NKAIN2: variants seen among roughly 807,000 people sequenced by gnomAD.
NKAIN2 encodes sodium/potassium transporting ATPase interacting 2.
NKAIN2 carries 14 observed loss-of-function variants against 32.6 expected under a neutral mutation model. The ratio of observed to expected loss-of-function variants is 0.43; its 90% confidence interval spans 0.28 to 0.67. NKAIN2 has a LOEUF of 0.67. Among genes scored for constraint, NKAIN2 ranks in the 30% least tolerant of loss-of-function variants. The pLI, the probability that NKAIN2 is intolerant of heterozygous loss-of-function variation, is 0.17. For synonymous variants in NKAIN2, 80 were observed against 87.2 expected, an observed-to-expected ratio of 0.92 and a Z score of 0.46; for missense variants, 198 against 258.3, an observed-to-expected ratio of 0.77 and a Z score of 1.60.
chr6:124,434,566 TAAGG>T (rs1374824772), intron 3 of NKAIN2, among the ~76,000 whole-genome samples: 5 of 152,180 alleles, frequency 3.3e-5, no homozygotes, highest in Non-Finnish European at 5.9e-5. Flanking sequence ...GGCCATTTAA[TAAGG>T]AAGATATTTT....
chr6:124,746,425 C>A (rs1777454381), intron 4 of NKAIN2, among the ~76,000 whole-genome samples: 1 of 151,722 alleles, frequency 6.6e-6, no homozygotes, highest in Non-Finnish European at 1.5e-5. Context: ...TTACCAGTGA[C>A]CAAACATGTT....
intron 3 of NKAIN2, among the ~76,000 whole-genome samples, chr6:124,622,920 G>C (rs1342500206): frequency 4.7e-5 from 7 of 150,344 alleles, no homozygotes; most frequent in African/African-American, 1.8e-4. Flanking sequence ...TACAGGATAG[G>C]GGGTGTGGTG....
At chr6:124,233,093 G>C (rs761189540) in intron 1 of NKAIN2, among the ~76,000 whole-genome samples, 3 of 151,932 alleles carry the variant, frequency 2.0e-5, no homozygotes, top group Non-Finnish European at 4.4e-5. Context: ...GCTACAGTTG[G>C]ATGACCTATG....
chr6:124,121,154 G>A (rs1470052101), intron 1 of NKAIN2, among the ~76,000 whole-genome samples: 1 of 152,044 alleles, frequency 6.6e-6, no homozygotes, highest in Non-Finnish European at 1.5e-5. Context: ...TTGAACTCAT[G>A]TAATCACTCC....
chr6:123,883,136 T>C (rs1412369941), intron 1 of NKAIN2, among the ~76,000 whole-genome samples: 1 of 152,092 alleles, frequency 6.6e-6, no homozygotes, highest in Admixed American at 6.6e-5. Flanking sequence ...GTTCTCCTAA[T>C]AGTGAGTGAA....
At chr6:124,224,157 CAT>C (rs1470520704) in intron 1 of NKAIN2, among the ~76,000 whole-genome samples, 1 of 152,094 alleles carries the variant, frequency 6.6e-6, no homozygotes, top group African/African-American at 2.4e-5. Context: ...CATTTACATT[CAT>C]ATTAATTTAC....
At chr6:124,192,045 C>T (rs759807764) in intron 1 of NKAIN2, among the ~76,000 whole-genome samples, 1 of 152,000 alleles carries the variant, frequency 6.6e-6, no homozygotes, top group Non-Finnish European at 1.5e-5. Flanking sequence ...TTTTTGAAGA[C>T]TCCACGTTTG....
intron 1 of NKAIN2, among the ~76,000 whole-genome samples, chr6:124,210,334 C>T (rs1341879627): frequency 2.0e-5 from 3 of 151,868 alleles, no homozygotes; most frequent in Non-Finnish European, 4.4e-5. Flanking sequence ...GTTTCGATTA[C>T]TATAACTATG....
intron 1 of NKAIN2, among the ~76,000 whole-genome samples, chr6:123,827,007 T>C (rs886496613): frequency 7.9e-5 from 12 of 152,120 alleles, no homozygotes; most frequent in Non-Finnish European, 1.6e-4. Flanking sequence ...CTGACACTTA[T>C]TTTCTGTTTT....
At chr6:124,574,598 G>A (rs148373284) in intron 3 of NKAIN2, among the ~76,000 whole-genome samples, 55 of 152,170 alleles carry the variant, frequency 3.6e-4, no homozygotes, top group African/African-American at 1.2e-3. Context: ...CAGCCTGGGC[G>A]ACAGAGCAAG....
At position 124,355,773 on chromosome 6, in the gene NKAIN2, G is replaced by T. The variant is rs567626680; in HGVS notation, c.273+426G>T. ...TAATGGGCTTTGGTTGAATGAAATTGTTACTAGAGGTATATAATATGTTAT... is the reference window on the plus strand; with the variant it reads ...TAATGGGCTTTGGTTGAATGAAATTTTTACTAGAGGTATATAATATGTTAT... On this transcript the variant is annotated intron_variant, in intron 3 of 6. Transcript: ENST00000368417. Among the ~76,000 whole-genome samples the T allele has an allele frequency of 5.9e-3, 903 of 152,164 alleles. 11 individuals carry two copies. The highest frequency in any genetic ancestry group is 7.7e-3 in the Non-Finnish European group (527 of 68,008).
At chr6:124,087,752 A>G (rs556338984) in intron 1 of NKAIN2, among the ~76,000 whole-genome samples, 3 of 152,122 alleles carry the variant, frequency 2.0e-5, no homozygotes, top group Admixed American at 2.0e-4. Context: ...AACATGTTGT[A>G]TACTGAATTT....
At chr6:124,606,373 T>C (rs1256269954) in intron 3 of NKAIN2, among the ~76,000 whole-genome samples, 1 of 151,994 alleles carries the variant, frequency 6.6e-6, no homozygotes, top group Non-Finnish European at 1.5e-5. Context: ...AAGTGAATGG[T>C]TGAATAAGTT....
chr6:124,268,030 T>C (rs570108803), intron 1 of NKAIN2, among the ~76,000 whole-genome samples: 91 of 152,340 alleles, frequency 6.0e-4, no homozygotes, highest in African/African-American at 2.0e-3. Context: ...TTCATTTTCA[T>C]TTTTTAAAAC....
intron 1 of NKAIN2, among the ~76,000 whole-genome samples, chr6:124,113,127 C>G (rs779459334): frequency 1.3e-4 from 20 of 152,146 alleles, no homozygotes; most frequent in Admixed American, 2.6e-4. Flanking sequence ...AAGCAGACAC[C>G]TCTATCAGTC....
intron 1 of NKAIN2, among the ~76,000 whole-genome samples, chr6:124,166,358 G>T (rs1271719868): frequency 6.6e-6 from 1 of 152,118 alleles, no homozygotes; most frequent in Non-Finnish European, 1.5e-5. Context: ...ACTTGTTGAT[G>T]GGGTTGTTTG....
intron 1 of NKAIN2, among the ~76,000 whole-genome samples, chr6:124,183,755 T>TA (rs1478093212): frequency 6.6e-6 from 1 of 152,194 alleles, no homozygotes; most frequent in African/African-American, 2.4e-5. Flanking sequence ...CATATAACTA[T>TA]AAAATATCAG....
At chr6:124,468,827 T>C (rs1199290993) in intron 3 of NKAIN2, among the ~76,000 whole-genome samples, 3 of 152,168 alleles carry the variant, frequency 2.0e-5, no homozygotes, top group Non-Finnish European at 4.4e-5. Context: ...TACACTAACA[T>C]TTTGAACCAA....
chr6:123,955,896 G>A (rs935174879), intron 1 of NKAIN2, among the ~76,000 whole-genome samples: 3 of 152,050 alleles, frequency 2.0e-5, no homozygotes, highest in African/African-American at 4.8e-5. Context: ...CCAAAATGCC[G>A]GGATTATAGG....
Sources: gnomAD v4.1 joint callset for allele counts (sites outside exome capture counted in the v4.1 genomes callset) on GRCh38, gnomAD v4.1.1 for gene constraint, MANE v1.5 for transcripts, NCBI Gene and HGNC (gene_info 2026-07-23, HGNC 2026-07-21) for gene names.